ABCC4: variants seen among roughly 807,000 people sequenced by gnomAD.
The protein encoded by ABCC4 is ATP-binding cassette sub-family C member 4.
A neutral mutation model predicts 168.5 loss-of-function variants in ABCC4; 102 were observed. The observed-to-expected ratio is 0.61, with a 90% CI of 0.52 to 0.71. The LOEUF is 0.71. Among genes scored for constraint, ABCC4 ranks in the 30% least tolerant of loss-of-function variants. The pLI is 0.00. For missense variants in ABCC4, 1,402 were observed against 1,605.8 expected, an observed-to-expected ratio of 0.87 and a Z score of 2.17; for synonymous variants, 617 against 590.7, an observed-to-expected ratio of 1.04 and a Z score of -0.65.
At chr13:95,050,691 G>A (rs1255954438) in intron 27 of ABCC4, among the ~76,000 whole-genome samples, 1 of 152,158 alleles carries the variant, frequency 6.6e-6, no homozygotes, top group Non-Finnish European at 1.5e-5. Context: ...TCACTTCTGA[G>A]GGGGACCTAC....
intron 19 of ABCC4, among the ~76,000 whole-genome samples, chr13:95,119,862 T>C (rs755611220): frequency 1.8e-4 from 28 of 152,194 alleles, no homozygotes; most frequent in Non-Finnish European, 2.9e-4. Flanking sequence ...CTTTACTGAG[T>C]GATGCAGTCA....
chr13:95,046,610 C>CA (rs1320031765), intron 27 of ABCC4, among the ~76,000 whole-genome samples: 3 of 151,640 alleles, frequency 2.0e-5, no homozygotes, highest in Non-Finnish European at 2.9e-5. Flanking sequence ...ACTAATAATA[C>CA]AAAAAAAATT....
chr13:95,199,739 T>A (rs2038570606), intron 8 of ABCC4, among the ~76,000 whole-genome samples: 1 of 152,152 alleles, frequency 6.6e-6, no homozygotes, highest in Non-Finnish European at 1.5e-5. Context: ...CTGCCTCTAC[T>A]CTGGGCCCCC....
chr13:95,117,865 G>C (rs2035433360), intron 19 of ABCC4, among the ~76,000 whole-genome samples: 1 of 151,496 alleles, frequency 6.6e-6, no homozygotes, highest in Non-Finnish European at 1.5e-5. Context: ...CATTGCTTGA[G>C]CTCAAGAGTT....
intron 20 of ABCC4, among the ~76,000 whole-genome samples, chr13:95,084,326 C>G (rs2034189977): frequency 1.3e-5 from 2 of 152,164 alleles, no homozygotes; most frequent in African/African-American, 4.8e-5. Context: ...TTGTCAGCCA[C>G]TACATTTTAG....
intron 20 of ABCC4, among the ~76,000 whole-genome samples, chr13:95,112,095 G>A (rs1216856032): frequency 6.6e-6 from 1 of 152,218 alleles, no homozygotes; most frequent in Non-Finnish European, 1.5e-5. Flanking sequence ...GCTCATGCCT[G>A]TAATCCCACC....
intron 26 of ABCC4, among the ~76,000 whole-genome samples, chr13:95,054,970 A>C (rs2033000373): frequency 6.6e-6 from 1 of 152,188 alleles, no homozygotes; most frequent in Non-Finnish European, 1.5e-5. Context: ...CCTCAGCAAA[A>C]TGCAAAAATG....
At chr13:95,240,282 A>G (rs2039898223) in intron 3 of ABCC4, among the ~76,000 whole-genome samples, 1 of 152,250 alleles carries the variant, frequency 6.6e-6, no homozygotes, top group Non-Finnish European at 1.5e-5. Context: ...ATGTAATCTC[A>G]GCACTTTGAG....
In ABCC4 at chr13:95,190,811, A is replaced by G. The variant is rs527661488; in HGVS notation, c.1264-2269T>C. On this transcript the variant is annotated intron_variant, in intron 9 of 30. Transcript: ENST00000645237. ...AATTTCTCGTGGATAGATTGGAGAG[A>G]CTTGACCATGCATGTCTGGTGGGTA... Among the ~76,000 whole-genome samples, 6 of 152,338 alleles carry G rather than the reference A, an allele frequency of 3.9e-5. 1 individual carries two copies. In the South Asian group the frequency reaches 1.2e-3, roughly 32 times the overall value.
chr13:95,138,169 C>T (rs2036200273), intron 19 of ABCC4, among the ~76,000 whole-genome samples: 1 of 152,134 alleles, frequency 6.6e-6, no homozygotes, highest in Non-Finnish European at 1.5e-5. Flanking sequence ...AACTTTACTG[C>T]AATTCCACTT....
At chr13:95,184,051 A>G (rs1406357740) in intron 11 of ABCC4, among the ~76,000 whole-genome samples, 1 of 152,234 alleles carries the variant, frequency 6.6e-6, no homozygotes, top group Admixed American at 6.5e-5. Flanking sequence ...CCATGCTTAC[A>G]CACATCCAGG....
chr13:95,032,965 CTT>C (rs74329595), intron 30 of ABCC4, among the ~76,000 whole-genome samples: 6 of 86,254 alleles, frequency 7.0e-5, no homozygotes, highest in African/African-American at 1.5e-4. Context: ...CACGCCTGGT[CTT>C]TTTTTTTTTT....
Position 95,196,991 on chromosome 13 carries a change from T to G in ABCC4, c.1162-2054A>C, listed in dbSNP as rs564342911. 5.9e-5 allele frequency among the ~76,000 whole-genome samples: 9 copies of G among 152,204 alleles called. No individual in the cohort carries two copies. In the East Asian group the frequency reaches 1.7e-3, roughly 30 times the overall value. On this transcript the variant is annotated intron_variant, in intron 8 of 30. Transcript: ENST00000645237. ...CACACTCCCAAAGTAGCCTTTGCCT[T>G]GATTCCCTGAGTATTAATCCCACCC... is the stretch of plus-strand genomic sequence containing the variant.
chr13:95,132,684 G>C lies in ABCC4; in HGVS notation c.2456-16683C>G, dbSNP rs1729743. On this transcript the variant is annotated intron_variant, in intron 19 of 30. Coordinates refer to ENST00000645237, the MANE Select transcript of ABCC4 (RefSeq NM_005845.5). ...AGTTGGTTGAATCTGAGCACCCACA[G>C]ATACAGAGGCTGGCTGACTGTATAT... Among the ~76,000 whole-genome samples, 2,947 of 152,238 alleles carry C rather than the reference G, an allele frequency of 0.019. 180 individuals carry two copies. In the East Asian group the frequency reaches 0.23, roughly 12 times the overall value.
chr13:95,026,960 C>T (rs1473869808), intron 30 of ABCC4, among the ~76,000 whole-genome samples: 2 of 151,976 alleles, frequency 1.3e-5, no homozygotes, highest in African/African-American at 2.4e-5. Context: ...ATAGATGTCT[C>T]CATATGAACA....
chr13:95,026,755 G>A (rs2031566247), intron 30 of ABCC4, among the ~76,000 whole-genome samples: 1 of 152,078 alleles, frequency 6.6e-6, no homozygotes, highest in Non-Finnish European at 1.5e-5. Context: ...CAGGTATGGT[G>A]GCATGTGCCT....
At chr13:95,279,002 C>CA (rs1336627653) in intron 1 of ABCC4, among the ~76,000 whole-genome samples, 6 of 150,658 alleles carry the variant, frequency 4.0e-5, no homozygotes, top group Admixed American at 4.0e-4. Context: ...AATAACAACA[C>CA]AAAAAAACGT....
At chr13:95,149,102 TA>T (rs2036592534) in intron 19 of ABCC4, 1 of 152,208 alleles carries the variant, frequency 6.6e-6, no homozygotes, top group Non-Finnish European at 1.5e-5. Context: ...GATTGTACGA[TA>T]AAACTGCTGA....
chr13:95,255,975 T>C (rs1197132383), intron 1 of ABCC4, among the ~76,000 whole-genome samples: 1 of 152,184 alleles, frequency 6.6e-6, no homozygotes, highest in Non-Finnish European at 1.5e-5. Context: ...CGACAACCAG[T>C]ACCAAGCATC....
Sources: allele counts gnomAD v4.1 joint callset (sites outside exome capture counted in the v4.1 genomes callset), GRCh38; gene constraint gnomAD v4.1.1; transcripts MANE v1.5; gene names NCBI Gene and HGNC (gene_info 2026-07-23, HGNC 2026-07-21).